SGSM1: variants seen among roughly 807,000 people sequenced by gnomAD.
The protein encoded by SGSM1 is RUN and TBC1 domain containing 2.
SGSM1 carries 73 observed loss-of-function variants against 133.8 expected under a neutral mutation model. The observed-to-expected ratio is 0.55, with a 90% CI of 0.45 to 0.66. The LOEUF is 0.66. Ranked by LOEUF, SGSM1 falls within the 30% of genes least tolerant of loss-of-function variation. The pLI is 0.00. For synonymous variants in SGSM1, 563 were observed against 573.0 expected, an observed-to-expected ratio of 0.98 and a Z score of 0.25; for missense variants, 1,213 against 1,448.1, an observed-to-expected ratio of 0.84 and a Z score of 2.64.
chr22:24,812,159 G>C (rs1444223138), intron 2 of SGSM1, among the ~76,000 whole-genome samples: 1 of 135,936 alleles, frequency 7.4e-6, no homozygotes, highest in Non-Finnish European at 1.5e-5. Flanking sequence ...GACAAAGCAA[G>C]ACTCCGTCTC....
chr22:24,823,178 A>G (rs191614566), intron 2 of SGSM1, among the ~76,000 whole-genome samples: 26 of 152,350 alleles, frequency 1.7e-4, no homozygotes, highest in African/African-American at 4.8e-4. Context: ...CAGAAATACT[A>G]TGGAGATTAG....
chr22:24,825,452 CAG>C (rs1928742612), intron 2 of SGSM1, among the ~76,000 whole-genome samples: 1 of 152,090 alleles, frequency 6.6e-6, no homozygotes, highest in Non-Finnish European at 1.5e-5. Context: ...TTTTTTGAGA[CAG>C]AGTCTCACTC....
In SGSM1 at chr22:24,847,670, G is replaced by A. The variant is rs375081484; in HGVS notation, c.176G>A (p.Arg59Gln). The change falls in exon 4 of 25, where the codon CGG becomes CAG. Residue 59 changes from arginine (R) to glutamine (Q), a missense_variant. Coordinates refer to ENST00000400358, the MANE Select transcript of SGSM1 (RefSeq NM_001098497.3). ...GCCTGCGTTCTGCACGGGCTTCGGC[G>A]GCGGGCGGCTGGCTTCCTACGCAGC... The part of the protein sequence containing the change: ...VEACVLHGLR[R>Q]RAAGFLRSNK... 7 of 1,613,612 alleles carry A rather than the reference G, an allele frequency of 4.3e-6. No homozygotes were observed. The highest frequency in any genetic ancestry group is 3.3e-5 in the South Asian group (3 of 91,060).
At chr22:24,827,011 C>T (rs532189154) in intron 2 of SGSM1, among the ~76,000 whole-genome samples, 27 of 152,236 alleles carry the variant, frequency 1.8e-4, no homozygotes, top group African/African-American at 6.3e-4. Context: ...GATCTGGCAC[C>T]GGCTGTGTGC....
At chr22:24,819,918 C>T (rs1928364308) in intron 2 of SGSM1, among the ~76,000 whole-genome samples, 1 of 152,186 alleles carries the variant, frequency 6.6e-6, no homozygotes, top group African/African-American at 2.4e-5. Context: ...CCCCTCCACG[C>T]CCCCAAGTTT....
intron 22 of SGSM1, among the ~76,000 whole-genome samples, chr22:24,913,389 G>A (rs1386287260): frequency 6.6e-6 from 1 of 152,022 alleles, no homozygotes; most frequent in African/African-American, 2.4e-5. Flanking sequence ...CCAGGAGTCT[G>A]TGCCATATGA....
chr22:24,823,703 C>T (rs759506604), intron 2 of SGSM1, among the ~76,000 whole-genome samples: 65 of 152,046 alleles, frequency 4.3e-4, no homozygotes, highest in African/African-American at 1.3e-3. Context: ...GAGGCCAAGG[C>T]GGGTGGATCA....
chr22:24,903,674 G>C (rs1255584370), intron 20 of SGSM1, among the ~76,000 whole-genome samples: 1 of 152,114 alleles, frequency 6.6e-6, no homozygotes, highest in Non-Finnish European at 1.5e-5. Flanking sequence ...CTTTGAGATG[G>C]ATTTTGACAA....
intron 2 of SGSM1, 79 bp from the exon 3 acceptor site, chr22:24,844,818 C>A: frequency 7.4e-7 from 1 of 1,348,494 alleles, no homozygotes; most frequent in Non-Finnish European, 1.0e-6. Flanking sequence ...GGGAGCAATG[C>A]AGCCCTTTTG....
intron 12 of SGSM1, 129 bp from the exon 13 acceptor site, chr22:24,876,447 CA>C: frequency 8.3e-7 from 1 of 1,199,176 alleles, no homozygotes; most frequent in South Asian, 1.4e-5. Context: ...TTCCTACTGT[CA>C]TCTTCAGGGT....
intron 12 of SGSM1, among the ~76,000 whole-genome samples, chr22:24,870,082 G>A (rs1479844396): frequency 6.6e-6 from 1 of 152,228 alleles, no homozygotes; most frequent in East Asian, 1.9e-4. Context: ...GCAGTGAGAG[G>A]CTCTTTTGAG....
At chr22:24,815,347 G>A (rs532873912) in intron 2 of SGSM1, among the ~76,000 whole-genome samples, 59 of 152,280 alleles carry the variant, frequency 3.9e-4, no homozygotes, top group African/African-American at 9.6e-4. Flanking sequence ...GTTGAGTCCC[G>A]CAGCCGAAGA....
At chr22:24,874,573 C>T (rs747423333) in intron 12 of SGSM1, 5 of 1,597,386 alleles carry the variant, frequency 3.1e-6, no homozygotes, top group Admixed American at 1.7e-5. Context: ...GAAGGAGCAG[C>T]CCCCCAGTAA....
At chr22:24,830,645 C>T (rs1359029013) in intron 2 of SGSM1, among the ~76,000 whole-genome samples, 1 of 61,462 alleles carries the variant, frequency 1.6e-5, no homozygotes, top group Non-Finnish European at 3.8e-5. Context: ...GAACCAGGAA[C>T]CATCACCACC....
chr22:24,855,906 G>A, intron 8 of SGSM1: 2 of 706,156 alleles, frequency 2.8e-6, no homozygotes. Flanking sequence ...TCCACCCATT[G>A]TCACAACCAT....
rs757200511 is a variant in SGSM1 at position 24,850,260 on chromosome 22, G to A, written c.303-20G>A. On this transcript the variant is annotated intron_variant, in intron 4 of 24. Transcript: ENST00000400358. ...TTTGCTCTTGTGAGTATCTATTCCC[G>A]TCTTTTATTGGTCTTGAAGGAGAAA... 32 of 1,552,394 alleles carry A rather than the reference G, an allele frequency of 2.1e-5. No homozygotes were observed. Among genetic ancestry groups the A allele is most frequent in the East Asian group, 9.7e-5 (4 of 41,314 alleles).
intron 16 of SGSM1, among the ~76,000 whole-genome samples, chr22:24,890,471 A>G (rs1037082790): frequency 1.3e-5 from 2 of 152,172 alleles, no homozygotes; most frequent in Non-Finnish European, 2.9e-5. Flanking sequence ...CACTGACACA[A>G]TACAACTAGC....
chr22:24,824,722 A>G (rs1928701996), intron 2 of SGSM1, among the ~76,000 whole-genome samples: 1 of 151,804 alleles, frequency 6.6e-6, no homozygotes. Flanking sequence ...GTTAACATAT[A>G]TTTGTTCTTC....
At position 24,879,601 on chromosome 22, in the gene SGSM1, A is replaced by G; in HGVS notation, c.1495+75A>G. 1.4e-6 allele frequency: 2 copies of G among 1,412,456 alleles called. 1 individual carries two copies. Among genetic ancestry groups the G allele is most frequent in the East Asian group, 4.8e-5 (2 of 41,820 alleles). The allele number at this position is 1,412,456 out of a possible 1,614,324, so 87.5% of individuals were successfully genotyped here. On this transcript the variant is annotated intron_variant, in intron 14 of 24. Transcript: ENST00000400358. Reference sequence around the variant, plus strand: ...TGCCTGCTGTATGCCAGCAATATCAAAAGATACTGGCTCTGGAGTTTGAAC... The same window carrying G: ...TGCCTGCTGTATGCCAGCAATATCAGAAGATACTGGCTCTGGAGTTTGAAC...
Sources: gnomAD v4.1 joint callset for allele counts (sites outside exome capture counted in the v4.1 genomes callset) on GRCh38, gnomAD v4.1.1 for gene constraint, MANE v1.5 for transcripts, NCBI Gene and HGNC (gene_info 2026-07-23, HGNC 2026-07-21) for gene names.